The following COX10 variants were observed in gnomAD, a reference collection of about 807,000 sequenced individuals.
COX10 encodes protoheme IX farnesyltransferase, mitochondrial.
In COX10, 27 loss-of-function variants were observed where a neutral mutation model predicts 37.3. The ratio of observed to expected loss-of-function variants is 0.72; its 90% CI spans 0.53 to 1.00. The LOEUF is 1.00. COX10 is among the 50% of genes least tolerant of loss of function. The probability of loss-of-function intolerance (pLI) is 0.00; values close to 1 mark genes in which losing one functional copy is unlikely to be tolerated. For synonymous variants in COX10, 222 were observed against 229.1 expected, an observed-to-expected ratio of 0.97 and a Z score of 0.28; for missense variants, 475 against 563.2, an observed-to-expected ratio of 0.84 and a Z score of 1.59.
intron 4 of COX10, among the ~76,000 whole-genome samples, chr17:14,132,904 T>C (rs773940566): frequency 5.9e-5 from 9 of 151,900 alleles, no homozygotes; most frequent in Non-Finnish European, 8.9e-5. Context: ...TTGAAAGAGC[T>C]ATGTAATTAG....
intron 6 of COX10, among the ~76,000 whole-genome samples, chr17:14,203,567 C>T (rs1906609242): frequency 6.6e-6 from 1 of 152,180 alleles, no homozygotes; most frequent in Non-Finnish European, 1.5e-5. Flanking sequence ...TTTTAGATGA[C>T]TTGCAAAGCC....
At chr17:14,078,311 C>T (rs1794671258) in intron 3 of COX10, among the ~76,000 whole-genome samples, 1 of 152,102 alleles carries the variant, frequency 6.6e-6, no homozygotes, top group African/African-American at 2.4e-5. Flanking sequence ...AAAAATGAGG[C>T]CTCTCAGCCC....
In COX10 at chr17:14,159,934, C is replaced by T. The variant is rs114521946; in HGVS notation, c.682C>T (p.Arg228Cys). ...TAGGACAAAGAACAGACCGCTGGTT[C>T]GTGGACAGATCAGGTAAAATCACGA... ...MNRTKNRPLV[R>C]GQISPLLAVS... The change falls in exon 5 of 7, where the codon CGT becomes TGT. Residue 228 changes from arginine (R) to cysteine (C), a missense_variant. By Grantham distance (180) the Arg-to-Cys change is radical (BLOSUM62 -3). This residue lies in a region of COX10 where 54 missense variants were observed against 70.6 expected (regional missense o/e 0.76). Coordinates refer to ENST00000261643, the MANE Select transcript of COX10 (RefSeq NM_001303.4). 1.3e-3 allele frequency: 2,066 copies of T among 1,612,150 alleles called. 22 individuals carry two copies. In the African/African-American group the frequency reaches 0.023, roughly 18 times the overall value.
intron 3 of COX10, among the ~76,000 whole-genome samples, chr17:14,096,777 T>A (rs947851275): frequency 1.3e-5 from 2 of 152,146 alleles, no homozygotes; most frequent in African/African-American, 2.4e-5. Context: ...CTGGAGCAAA[T>A]GAATCCTGGA....
At chr17:14,167,089 T>G (rs1480848518) in intron 5 of COX10, among the ~76,000 whole-genome samples, 1 of 152,178 alleles carries the variant, frequency 6.6e-6, no homozygotes, top group Non-Finnish European at 1.5e-5. Context: ...ATGTCAACAT[T>G]AACAGGGGTT....
intron 3 of COX10, among the ~76,000 whole-genome samples, chr17:14,085,533 T>G (rs985678344): frequency 6.6e-6 from 1 of 152,326 alleles, no homozygotes; most frequent in Non-Finnish European, 1.5e-5. Context: ...ACATATATCC[T>G]TTTACATATT....
chr17:14,137,456 T>C (rs944141119), intron 4 of COX10, among the ~76,000 whole-genome samples: 1 of 151,846 alleles, frequency 6.6e-6, no homozygotes, highest in African/African-American at 2.4e-5. Flanking sequence ...GTATGAGTGA[T>C]TGGATCAAAA....
At chr17:14,148,018 G>A (rs979274851) in intron 4 of COX10, among the ~76,000 whole-genome samples, 29 of 151,786 alleles carry the variant, frequency 1.9e-4, no homozygotes, top group Admixed American at 1.9e-3. Flanking sequence ...GTAAAAACCA[G>A]TTTAAGTTTC....
chr17:14,108,849 G>A (rs549959290), intron 4 of COX10, among the ~76,000 whole-genome samples: 10 of 152,118 alleles, frequency 6.6e-5, no homozygotes, highest in East Asian at 3.9e-4. Flanking sequence ...TTTCTCTGAT[G>A]TTTCTTGTGT....
chr17:14,094,669 G>A (rs1159996772), intron 3 of COX10, among the ~76,000 whole-genome samples: 1 of 152,224 alleles, frequency 6.6e-6, no homozygotes, highest in Admixed American at 6.5e-5. Flanking sequence ...CATACAGAGT[G>A]TGGTGTGAAG....
intron 4 of COX10, among the ~76,000 whole-genome samples, chr17:14,128,402 TA>T (rs1727525006): frequency 6.6e-6 from 1 of 152,128 alleles, no homozygotes; most frequent in Non-Finnish European, 1.5e-5. Flanking sequence ...AAATACTAAA[TA>T]TCAGATATGT....
At chr17:14,074,026 A>G (rs1366866748) in intron 1 of COX10, among the ~76,000 whole-genome samples, 1 of 152,078 alleles carries the variant, frequency 6.6e-6, no homozygotes. Flanking sequence ...GTTGTTTTAT[A>G]TTTTCTTAAG....
At chr17:14,168,931 A>G (rs980163841) in intron 5 of COX10, among the ~76,000 whole-genome samples, 21 of 152,066 alleles carry the variant, frequency 1.4e-4, no homozygotes, top group Non-Finnish European at 2.1e-4. Context: ...CTTAACGCAA[A>G]TTTTCTGCAG....
chr17:14,199,996 G>A (rs753603345), intron 6 of COX10, among the ~76,000 whole-genome samples: 7 of 152,126 alleles, frequency 4.6e-5, no homozygotes, highest in Non-Finnish European at 1.0e-4. Context: ...TTGTACTGGC[G>A]AGGGAAGACC....
At chr17:14,104,679 C>A (rs1269022958) in intron 4 of COX10, among the ~76,000 whole-genome samples, 1 of 151,822 alleles carries the variant, frequency 6.6e-6, no homozygotes, top group Admixed American at 6.6e-5. Flanking sequence ...AGCAGTTATT[C>A]ATTTAGTTTT....
chr17:14,172,463 T>A, intron 5 of COX10, among the ~76,000 whole-genome samples: 1 of 152,178 alleles, frequency 6.6e-6, no homozygotes, highest in Admixed American at 6.5e-5. Flanking sequence ...CTCTTCTGAC[T>A]GGGGTAAAAT....
intron 5 of COX10, among the ~76,000 whole-genome samples, chr17:14,165,017 C>G (rs1202151016): frequency 6.6e-6 from 1 of 152,180 alleles, no homozygotes; most frequent in African/African-American, 2.4e-5. Context: ...CAACAATGCC[C>G]AGTTTGGATG....
intron 4 of COX10, among the ~76,000 whole-genome samples, chr17:14,120,182 A>G (rs1231831820): frequency 6.6e-6 from 1 of 152,200 alleles, no homozygotes. Context: ...TGGAAGGATC[A>G]TAAGTTCAGT....
At chr17:14,101,554 C>T (rs530187735) in intron 3 of COX10, among the ~76,000 whole-genome samples, 17 of 152,264 alleles carry the variant, frequency 1.1e-4, no homozygotes, top group South Asian at 1.0e-3. Flanking sequence ...TTCTGTACCT[C>T]GCCTCTTCCC....
Sources: allele counts gnomAD v4.1 joint callset (sites outside exome capture counted in the v4.1 genomes callset), GRCh38; gene constraint gnomAD v4.1.1; regional missense constraint gnomAD v4.1.1; transcripts MANE v1.5; gene names NCBI Gene and HGNC (gene_info 2026-07-23, HGNC 2026-07-21).